CLIC5: variants seen among roughly 807,000 people sequenced by gnomAD.
The protein encoded by CLIC5 is CLIC family member 5.
In CLIC5, 20 loss-of-function variants were observed where a neutral mutation model predicts 24.7. The observed-to-expected ratio is 0.81, with a 90% CI of 0.57 to 1.18. CLIC5 has a LOEUF of 1.18. CLIC5 is among the 50% of genes most tolerant of loss of function. The pLI, the probability that CLIC5 is intolerant of heterozygous loss-of-function variation, is 0.00. For missense variants in CLIC5, 341 were observed against 326.1 expected (o/e 1.05, Z -0.35); for synonymous variants, 159 against 135.6 (o/e 1.17, Z -1.20).
At chr6:45,948,878 A>G (rs1291025794) in intron 3 of CLIC5, among the ~76,000 whole-genome samples, 1 of 150,686 alleles carries the variant, frequency 6.6e-6, no homozygotes, top group African/African-American at 2.4e-5. Context: ...TCATTCTGTC[A>G]GGCTTTCGGC....
intron 1 of CLIC5, among the ~76,000 whole-genome samples, chr6:46,058,716 A>G (rs2127468997): frequency 6.6e-6 from 1 of 152,274 alleles, no homozygotes; most frequent in South Asian, 2.1e-4. Flanking sequence ...ACCTTTACAA[A>G]CCTACCTGGT....
intron 1 of CLIC5, among the ~76,000 whole-genome samples, chr6:46,007,834 C>T (rs1484221786): frequency 6.6e-6 from 1 of 151,338 alleles, no homozygotes; most frequent in Non-Finnish European, 1.5e-5. Flanking sequence ...TAAAGCAAGT[C>T]ACGCAACCAG....
At chr6:45,990,145 T>C (rs1765883233) in intron 1 of CLIC5, among the ~76,000 whole-genome samples, 1 of 152,204 alleles carries the variant, frequency 6.6e-6, no homozygotes, top group Non-Finnish European at 1.5e-5. Flanking sequence ...ATTATTCAAA[T>C]ATTCTTTTTA....
chr6:46,029,331 T>A (rs940047503), intron 1 of CLIC5, among the ~76,000 whole-genome samples: 1 of 152,184 alleles, frequency 6.6e-6, no homozygotes, highest in African/African-American at 2.4e-5. Flanking sequence ...AATATTTGCA[T>A]GGGATTTCCG....
upstream of CLIC5, chr6:46,018,892 AT>A (rs1562008095): frequency 1.3e-5 from 2 of 152,212 alleles, no homozygotes; most frequent in Admixed American, 1.3e-4. Flanking sequence ...ATCTGATAGC[AT>A]TTTTAATATA....
At chr6:46,027,313 T>C (rs900824812) in intron 1 of CLIC5, among the ~76,000 whole-genome samples, 6 of 152,184 alleles carry the variant, frequency 3.9e-5, no homozygotes, top group African/African-American at 1.4e-4. Flanking sequence ...GAAAAGGAGC[T>C]GTTCATTTGA....
chr6:46,122,667 A>G, the CLIC5 span, among the ~76,000 whole-genome samples: 1 of 152,184 alleles, frequency 6.6e-6, no homozygotes, highest in Non-Finnish European at 1.5e-5. Flanking sequence ...AGATCAACAA[A>G]ATTGATAGAC....
intron 1 of CLIC5, among the ~76,000 whole-genome samples, chr6:46,068,991 C>T (rs1295992656): frequency 1.3e-5 from 2 of 152,156 alleles, no homozygotes; most frequent in Non-Finnish European, 2.9e-5. Context: ...AGAGCCAACA[C>T]AGCCCAGCCT....
intron 3 of CLIC5, among the ~76,000 whole-genome samples, chr6:45,948,419 C>A (rs1193021844): frequency 6.6e-6 from 1 of 152,184 alleles, no homozygotes; most frequent in Admixed American, 6.5e-5. Flanking sequence ...CTTCCCTCAA[C>A]CTCTAAAGTA....
At chr6:45,881,831 T>C (rs1762265234) in intron 6 of CLIC5, among the ~76,000 whole-genome samples, 1 of 152,142 alleles carries the variant, frequency 6.6e-6, no homozygotes, top group African/African-American at 2.4e-5. Context: ...GAAGGTTGTG[T>C]TTGGCCAAAG....
chr6:46,021,061 C>A (rs1767164484), intron 1 of CLIC5, among the ~76,000 whole-genome samples: 2 of 122,430 alleles, frequency 1.6e-5, no homozygotes, highest in South Asian at 2.6e-4. Flanking sequence ...GACTTGTATC[C>A]AGGATTTGTA....
intron 4 of CLIC5, among the ~76,000 whole-genome samples, chr6:45,926,168 G>A (rs1168892943): frequency 1.3e-5 from 2 of 151,216 alleles, no homozygotes; most frequent in African/African-American, 2.4e-5. Flanking sequence ...CACTAGCACA[G>A]AGAAACATAT....
intron 4 of CLIC5, among the ~76,000 whole-genome samples, chr6:45,928,473 A>G (rs986311495): frequency 3.9e-5 from 6 of 152,326 alleles, no homozygotes; most frequent in Non-Finnish European, 7.3e-5. Flanking sequence ...CTAACCACAG[A>G]CAAGGGGTTA....
intron 1 of CLIC5, among the ~76,000 whole-genome samples, chr6:46,010,026 T>A: frequency 6.6e-6 from 1 of 152,014 alleles, no homozygotes; most frequent in East Asian, 1.9e-4. Context: ...GTACTTCAGT[T>A]GCCATTGGTC....
At chr6:46,117,322 C>T in the CLIC5 span, among the ~76,000 whole-genome samples, 3 of 152,188 alleles carry the variant, frequency 2.0e-5, no homozygotes. Flanking sequence ...TCAGACACCA[C>T]ATAAGATTTA....
intron 1 of CLIC5, among the ~76,000 whole-genome samples, chr6:46,005,776 C>T (rs967634302): frequency 1.3e-5 from 2 of 151,694 alleles, no homozygotes; most frequent in African/African-American, 4.8e-5. Flanking sequence ...ATAGAGTTAT[C>T]CTCCTCCACA....
chr6:46,014,814 T>C (rs1390195351), intron 1 of CLIC5: 1 of 152,238 alleles, frequency 6.6e-6, no homozygotes, highest in Non-Finnish European at 1.5e-5. Flanking sequence ...CCTTCATCCC[T>C]GTCTGCATCA....
At chr6:46,099,983 C>T in the CLIC5 span, among the ~76,000 whole-genome samples, 12 of 148,490 alleles carry the variant, frequency 8.1e-5, no homozygotes, top group Non-Finnish European at 1.2e-4. Flanking sequence ...ATTCATAAGG[C>T]CATAAAAAAA....
chr6:46,045,143 A>C (rs1475564148), intron 1 of CLIC5, among the ~76,000 whole-genome samples: 1 of 152,110 alleles, frequency 6.6e-6, no homozygotes, highest in African/African-American at 2.4e-5. Context: ...AGTTTCCACA[A>C]AGTTTGCCAG....
Sources: gnomAD v4.1 joint callset for allele counts (sites outside exome capture counted in the v4.1 genomes callset) on GRCh38, gnomAD v4.1.1 for gene constraint, MANE v1.5 for transcripts, NCBI Gene and HGNC (gene_info 2026-07-23, HGNC 2026-07-21) for gene names.